GTF2IRD1: variants seen among roughly 807,000 people sequenced by gnomAD.
GTF2IRD1 encodes general transcription factor II-I repeat domain-containing protein 1.
In GTF2IRD1, 26 loss-of-function variants were observed where a neutral mutation model predicts 113.2. The observed-to-expected ratio is 0.23, with a 90% CI of 0.17 to 0.32. The LOEUF (loss-of-function observed/expected upper bound fraction) is 0.32. GTF2IRD1 is among the 10% of genes least tolerant of loss of function. The probability of loss-of-function intolerance (pLI) is 1.00; values close to 1 mark genes in which losing one functional copy is unlikely to be tolerated. For synonymous variants in GTF2IRD1, 484 were observed against 529.1 expected, an observed-to-expected ratio of 0.91 and a Z score of 1.17; for missense variants, 864 against 1,280.8, an observed-to-expected ratio of 0.67 and a Z score of 4.97.
chr7:74,561,298 G>A (rs1310228555), intron 22 of GTF2IRD1, among the ~76,000 whole-genome samples: 24 of 148,954 alleles, frequency 1.6e-4, no homozygotes, highest in Non-Finnish European at 3.1e-4. Context: ...GCAGTGAGCC[G>A]AGATCGCGCG....
At chr7:74,552,679 C>A (rs2130729124) in intron 17 of GTF2IRD1, among the ~76,000 whole-genome samples, 1 of 152,294 alleles carries the variant, frequency 6.6e-6, no homozygotes, top group South Asian at 2.1e-4. Context: ...TTCCCTCAAA[C>A]CATAAACTAG....
At chr7:74,538,614 A>G (rs1798442976) in intron 12 of GTF2IRD1, 66 bp from the exon 13 acceptor site, 5 of 930,074 alleles carry the variant, frequency 5.4e-6, no homozygotes, top group Non-Finnish European at 9.0e-6. Flanking sequence ...AATGTTCTGG[A>G]AAGAGTCACT....
At chr7:74,481,341 G>T (rs1248190330) in intron 1 of GTF2IRD1, among the ~76,000 whole-genome samples, 1 of 151,814 alleles carries the variant, frequency 6.6e-6, no homozygotes. Flanking sequence ...TTTTTTGTTA[G>T]AGATGGGGTC....
chr7:74,563,579 GAA>G (rs1171218582), intron 22 of GTF2IRD1, among the ~76,000 whole-genome samples: 1 of 128,462 alleles, frequency 7.8e-6, no homozygotes, highest in Non-Finnish European at 1.7e-5. Context: ...CTCCGTCTCA[GAA>G]AAAAAAAAAA....
intron 1 of GTF2IRD1, among the ~76,000 whole-genome samples, chr7:74,493,936 C>T (rs1490504096): frequency 6.6e-6 from 1 of 152,102 alleles, no homozygotes; most frequent in Non-Finnish European, 1.5e-5. Context: ...CCAGGCTGGT[C>T]TTGAACTCCT....
chr7:74,551,160 G>A (rs142912885), intron 17 of GTF2IRD1, among the ~76,000 whole-genome samples: 5 of 152,190 alleles, frequency 3.3e-5, no homozygotes, highest in African/African-American at 4.8e-5. Context: ...TGGCCAACAT[G>A]GTGAAACACC....
intron 1 of GTF2IRD1, among the ~76,000 whole-genome samples, chr7:74,463,853 AG>A (rs1793544289): frequency 6.6e-6 from 1 of 151,882 alleles, no homozygotes; most frequent in Non-Finnish European, 1.5e-5. Context: ...CTTCTCGAGT[AG>A]CTGGGATCAC....
At chr7:74,515,687 A>C in intron 4 of GTF2IRD1, 91 bp downstream of exon 4, 1 of 1,185,260 alleles carries the variant, frequency 8.4e-7, no homozygotes, top group Non-Finnish European at 1.2e-6. Flanking sequence ...CTGTCCCACT[A>C]TGGGCCCTGG....
chr7:74,537,208 G>T (rs1200456564), intron 11 of GTF2IRD1, among the ~76,000 whole-genome samples: 1 of 152,072 alleles, frequency 6.6e-6, no homozygotes, highest in Non-Finnish European at 1.5e-5. Context: ...TCAGGAGTTC[G>T]AAACCAACCT....
chr7:74,582,278 G>A (rs1554366392), intron 22 of GTF2IRD1, among the ~76,000 whole-genome samples: 1 of 152,186 alleles, frequency 6.6e-6, no homozygotes, highest in East Asian at 1.9e-4. Flanking sequence ...ACACGGCAGG[G>A]GACAGGGGAG....
At chr7:74,586,397 A>G (rs1801721057) in intron 22 of GTF2IRD1, among the ~76,000 whole-genome samples, 1 of 152,138 alleles carries the variant, frequency 6.6e-6, no homozygotes, top group African/African-American at 2.4e-5. Flanking sequence ...TGGCTGAATT[A>G]GAGGCATTAC....
At chr7:74,594,793 A>C (rs1157293460) in intron 24 of GTF2IRD1, among the ~76,000 whole-genome samples, 1 of 151,740 alleles carries the variant, frequency 6.6e-6, no homozygotes, top group Non-Finnish European at 1.5e-5. Flanking sequence ...CTCTACTAAA[A>C]ATATAAAACT....
chr7:74,510,365 G>GGC (rs1464679464), intron 2 of GTF2IRD1, among the ~76,000 whole-genome samples: 1 of 149,408 alleles, frequency 6.7e-6, no homozygotes, highest in Non-Finnish European at 1.5e-5. Flanking sequence ...GGAGTGCAAT[G>GGC]GCGCGATCTT....
intron 26 of GTF2IRD1, chr7:74,601,608 A>C: frequency 1.7e-6 from 1 of 586,484 alleles, no homozygotes; most frequent in Non-Finnish European, 2.6e-6. Context: ...CCCCATCTCT[A>C]CTAAAAATAC....
rs1583983017 is a variant in GTF2IRD1 at position 74,593,968 on chromosome 7, G to A, written c.2592-1046G>A. Among the ~76,000 whole-genome samples, 4 of 152,050 alleles carry A rather than the reference G, an allele frequency of 2.6e-5. No individual in the cohort carries two copies. The East Asian group carries it at 7.8e-4, about 30-fold the overall frequency. On this transcript the variant is annotated intron_variant, in intron 24 of 26. Coordinates refer to ENST00000424337, the MANE Select transcript of GTF2IRD1 (RefSeq NM_005685.4). Reference sequence around the variant, plus strand: ...TAATCCCAGCACTTTGGGAGGCCAAGGCGGGCAGTTCACGAGGTCAGGAGT... The same window carrying A: ...TAATCCCAGCACTTTGGGAGGCCAAAGCGGGCAGTTCACGAGGTCAGGAGT...
intron 14 of GTF2IRD1, 39 bp downstream of exon 14, chr7:74,540,007 G>T (rs2130594935): frequency 6.9e-7 from 1 of 1,448,866 alleles, no homozygotes; most frequent in Non-Finnish European, 9.7e-7. Flanking sequence ...TTGGGACTCA[G>T]CTCTCCAGGG....
At chr7:74,529,318 A>T (rs1264157859) in intron 8 of GTF2IRD1, among the ~76,000 whole-genome samples, 1 of 152,058 alleles carries the variant, frequency 6.6e-6, no homozygotes, top group Non-Finnish European at 1.5e-5. Flanking sequence ...CAGTGGCATG[A>T]TCTTGGCTCA....
Position 74,594,949 on chromosome 7 carries a change from C to T in GTF2IRD1, c.2592-65C>T, listed in dbSNP as rs1394786313. ...CCTGGGCAACCGAGTGAGACTCCAT[C>T]TCAAAAAAATAAAGGAGGGGAAAAC... is the stretch of plus-strand genomic sequence containing the variant. On this transcript the variant is annotated intron_variant, in intron 24 of 26. Coordinates refer to ENST00000424337, the MANE Select transcript of GTF2IRD1 (RefSeq NM_005685.4). The T allele has an allele frequency of 5.8e-6, 7 of 1,209,756 alleles. No individual in the cohort carries two copies. In the Admixed American group the frequency reaches 1.2e-4, roughly 22 times the overall value. The allele number at this position is 1,209,756 out of a possible 1,614,324, so 74.9% of individuals were successfully genotyped here.
chr7:74,476,004 C>T (rs1162792785), intron 1 of GTF2IRD1, among the ~76,000 whole-genome samples: 5 of 152,168 alleles, frequency 3.3e-5, no homozygotes, highest in South Asian at 2.1e-4. Context: ...TGTCTGTGTG[C>T]GTGGAGGTGG....
Sources: gnomAD v4.1 joint callset for allele counts (sites outside exome capture counted in the v4.1 genomes callset) on GRCh38, gnomAD v4.1.1 for gene constraint, MANE v1.5 for transcripts, NCBI Gene and HGNC (gene_info 2026-07-23, HGNC 2026-07-21) for gene names.